The following SEMA5B variants were observed in gnomAD, a reference collection of about 807,000 sequenced individuals.
The protein encoded by SEMA5B is semaphorin 5B.
SEMA5B carries 66 observed loss-of-function variants against 135.0 expected under a neutral mutation model. The observed-to-expected ratio is 0.49, with a 90% confidence interval of 0.40 to 0.60. SEMA5B has a LOEUF of 0.60. SEMA5B is among the 20% of genes least tolerant of loss of function. SEMA5B has a pLI of 0.00. For missense variants in SEMA5B, 1,501 were observed against 1,566.3 expected (o/e 0.96, Z 0.70); for synonymous variants, 690 against 639.5 (o/e 1.08, Z -1.19).
chr3:123,002,763 G>A (rs1272429462), intron 1 of SEMA5B, among the ~76,000 whole-genome samples: 1 of 152,170 alleles, frequency 6.6e-6, no homozygotes, highest in East Asian at 1.9e-4. Context: ...TGAGCACAGG[G>A]TTATTTATTC....
chr3:123,006,367 T>G (rs1001423713), intron 1 of SEMA5B, among the ~76,000 whole-genome samples: 3 of 152,198 alleles, frequency 2.0e-5, no homozygotes, highest in Admixed American at 2.0e-4. Flanking sequence ...AACTAACAAA[T>G]GCTCCCCAAA....
rs572578439 is a variant in SEMA5B at position 122,914,605 on chromosome 3, G to A, written c.1989-604C>T. Among the ~76,000 whole-genome samples the A allele has an allele frequency of 1.2e-3, 177 of 152,312 alleles. 4 individuals are homozygous for A. In the South Asian group the frequency reaches 0.035, roughly 30 times the overall value. The stretch of plus-strand genomic sequence containing the variant: ...CTACCCCCATGAGGTTGCTGTGAGG[G>A]CTACATTAATAAATGTGTATGAAAT... On this transcript the variant is annotated intron_variant, in intron 14 of 22. Coordinates refer to ENST00000357599, the MANE Select transcript of SEMA5B (RefSeq NM_001031702.4).
chr3:122,926,257 T>G, intron 9 of SEMA5B, 135 bp downstream of exon 9: 3 of 836,926 alleles, frequency 3.6e-6, no homozygotes, highest in South Asian at 3.6e-5. Flanking sequence ...CCAGAAGCAG[T>G]AAGTCACAAA....
At chr3:123,008,508 G>C (rs1246104841) in intron 1 of SEMA5B, among the ~76,000 whole-genome samples, 1 of 152,160 alleles carries the variant, frequency 6.6e-6, no homozygotes, top group African/African-American at 2.4e-5. Flanking sequence ...CCTGATGGGT[G>C]GGTGGGATCT....
At chr3:122,965,018 T>C (rs1450335349) in intron 1 of SEMA5B, among the ~76,000 whole-genome samples, 2 of 152,138 alleles carry the variant, frequency 1.3e-5, no homozygotes, top group East Asian at 1.9e-4. Context: ...TTTGATTCCA[T>C]GTGCTGGAGG....
intron 3 of SEMA5B, among the ~76,000 whole-genome samples, chr3:122,944,693 C>T (rs1369940336): frequency 2.1e-5 from 2 of 96,790 alleles, no homozygotes; most frequent in African/African-American, 3.0e-5. Context: ...CTCACGGCCT[C>T]TGGGCGGATG....
chr3:122,914,033 C>A lies in SEMA5B; in HGVS notation c.1989-32G>T, dbSNP rs368409244. ...GGGTGGGAGGGGACAGAGACAGATG[C>A]CCCTCTGAGCCCTAGCTTCTTAGAT... On this transcript the variant is annotated intron_variant, in intron 14 of 22. Coordinates refer to ENST00000357599, the MANE Select transcript of SEMA5B (RefSeq NM_001031702.4). The A allele has an allele frequency of 1.0e-5, 16 of 1,532,742 alleles. No individual in the cohort carries two copies. In the African/African-American group the frequency reaches 1.7e-4, roughly 16 times the overall value. 94.9% of individuals were successfully genotyped at this position (1,532,742 alleles called of 1,614,324 possible).
rs1214569257 is a variant in SEMA5B, at chr3:122,948,681, A to G, written c.153T>C (p.Ala51=). 9.3e-6 allele frequency: 15 copies of G among 1,607,806 alleles called. No individual in the cohort carries two copies. The highest frequency in any genetic ancestry group is 1.3e-5 in the African/African-American group (1 of 74,804). ...CCATGATAGGCCCCTCTGCAGTCCT[A>G]GCTCCGGGAGGCAGACAGGGGAGAA... The part of the protein sequence containing the change: ...RGLLPCLPPG[A]RTAEGPIMVL... Residue 51 remains alanine, a synonymous_variant, in exon 3 of 23, where the codon GCT becomes GCC. Transcript: ENST00000357599.
intron 9 of SEMA5B, 139 bp from the exon 10 acceptor site, chr3:122,923,891 C>A (rs2107644071): frequency 2.1e-6 from 2 of 935,496 alleles, no homozygotes; most frequent in Middle Eastern, 3.3e-4. Flanking sequence ...GGGGGGATCT[C>A]AAAGGGAGGA....
At chr3:122,965,291 A>G (rs1940770997) in intron 1 of SEMA5B, among the ~76,000 whole-genome samples, 1 of 152,182 alleles carries the variant, frequency 6.6e-6, no homozygotes, top group South Asian at 2.1e-4. Context: ...CCCACATTGC[A>G]CAGAGTGGCA....
At chr3:122,944,265 C>T (rs1939690002) in intron 3 of SEMA5B, among the ~76,000 whole-genome samples, 1 of 152,200 alleles carries the variant, frequency 6.6e-6, no homozygotes, top group Non-Finnish European at 1.5e-5. Context: ...TCCCCAAATC[C>T]ATCCCACAAG....
chr3:122,941,472 G>C (rs1263545044), intron 4 of SEMA5B, among the ~76,000 whole-genome samples: 1 of 152,198 alleles, frequency 6.6e-6, no homozygotes, highest in African/African-American at 2.4e-5. Flanking sequence ...CCATAAAATG[G>C]GGGTACATAG....
In SEMA5B at chr3:122,913,192, G is replaced by A. The variant is rs1445232409; in HGVS notation, c.2506+7C>T. ...AGAGGAAGGAGGGGGCGCCGGGCGC[G>A]GGGTACCGTCGGTGTCGCAGGAGCC... On this transcript the variant is annotated splice_region_variant and intron_variant, in intron 17 of 22. Transcript: ENST00000357599. 5 of 1,555,502 alleles carry A rather than the reference G, an allele frequency of 3.2e-6. No individual in the cohort carries two copies. The highest frequency in any genetic ancestry group is 4.3e-6 in the Non-Finnish European group (5 of 1,160,718).
intron 2 of SEMA5B, among the ~76,000 whole-genome samples, chr3:122,949,824 A>G (rs978980505): frequency 1.3e-5 from 2 of 152,130 alleles, no homozygotes; most frequent in African/African-American, 2.4e-5. Context: ...TGAACTCAGC[A>G]CAAGAAGACA....
intron 1 of SEMA5B, among the ~76,000 whole-genome samples, chr3:122,989,786 C>T (rs2107712840): frequency 6.6e-6 from 1 of 152,314 alleles, no homozygotes; most frequent in South Asian, 2.1e-4. Flanking sequence ...GTCCGTTGAG[C>T]TTTTCAGAGA....
chr3:123,006,862 T>A (rs1942327684), intron 1 of SEMA5B, among the ~76,000 whole-genome samples: 2 of 152,032 alleles, frequency 1.3e-5, no homozygotes, highest in African/African-American at 4.8e-5. Context: ...ACACAGCTGC[T>A]TAGATGAAAA....
intron 1 of SEMA5B, among the ~76,000 whole-genome samples, chr3:122,979,264 G>A (rs77039642): frequency 0.014 from 2,133 of 152,260 alleles, 53 homozygotes; most frequent in African/African-American, 0.048. Context: ...ATTCAGGATC[G>A]GAGCAGCAGA....
At chr3:123,015,425 T>C (rs898976015) in intron 1 of SEMA5B, among the ~76,000 whole-genome samples, 1 of 152,186 alleles carries the variant, frequency 6.6e-6, no homozygotes, top group African/African-American at 2.4e-5. Context: ...TAGCTAAGCA[T>C]ACGGGTATGC....
rs34127147 is a variant in SEMA5B, at chr3:122,961,211, G to A, written c.53C>T (p.Pro18Leu). ...TAGCTGTTGGGCTGGGGTATCAGGC[G>A]GCCCAGGGACGAGGTGGTGGGCAAC... is the stretch of plus-strand genomic sequence containing the variant. ...SPVAHHLVPG[P>L]PDTPAQQLRC... Residue 18 changes from proline (P) to leucine (L), a missense_variant, in exon 2 of 23, where the codon CCG (proline) becomes CTG (leucine). Transcript: ENST00000357599. 2.5e-3 allele frequency: 4,028 copies of A among 1,613,922 alleles called. 79 individuals are homozygous for A. In the African/African-American group the frequency reaches 0.046, roughly 19 times the overall value.
Sources: gnomAD v4.1 joint callset for allele counts (sites outside exome capture counted in the v4.1 genomes callset) on GRCh38, gnomAD v4.1.1 for gene constraint, MANE v1.5 for transcripts, NCBI Gene and HGNC (gene_info 2026-07-23, HGNC 2026-07-21) for gene names.